OTOGL: variants seen among roughly 807,000 people sequenced by gnomAD.
The protein encoded by OTOGL is otogelin like.
OTOGL carries 285 observed loss-of-function variants against 318.5 expected under a neutral mutation model. That is an observed-to-expected ratio of 0.89 (90% CI 0.81 to 0.99). The LOEUF is 0.99. Among genes scored for constraint, OTOGL ranks in the 50% least tolerant of loss-of-function variants. The pLI is 0.00. For missense variants in OTOGL, 2,899 were observed against 2,845.6 expected, an observed-to-expected ratio of 1.02 and a Z score of -0.43; for synonymous variants, 987 against 936.5, an observed-to-expected ratio of 1.05 and a Z score of -0.99.
At chr12:80,197,662 G>A (rs371795769) in intron 1 of OTOGL, among the ~76,000 whole-genome samples, 43 of 152,228 alleles carry the variant, frequency 2.8e-4, no homozygotes, top group South Asian at 2.1e-4. Context: ...CTCTGAAGCA[G>A]AGGCAGGAAA....
intron 1 of OTOGL, chr12:80,132,050 C>G (rs79571226): frequency 1.3e-5 from 2 of 152,182 alleles, no homozygotes; most frequent in Non-Finnish European, 2.9e-5. Context: ...TCTGCCCCCT[C>G]AACAGACCTA....
chr12:80,201,789 C>T (rs189525294), intron 1 of OTOGL, among the ~76,000 whole-genome samples: 1 of 152,262 alleles, frequency 6.6e-6, no homozygotes, highest in East Asian at 1.9e-4. Context: ...CCAATTCAAA[C>T]ATCAACAAGC....
intron 1 of OTOGL, among the ~76,000 whole-genome samples, chr12:80,203,430 T>A (rs1876595598): frequency 6.6e-6 from 1 of 152,116 alleles, no homozygotes; most frequent in African/African-American, 2.4e-5. Context: ...GTAAAGGCTG[T>A]TTTGTTATGT....
intron 1 of OTOGL, among the ~76,000 whole-genome samples, chr12:80,105,699 C>G (rs1869414619): frequency 6.6e-6 from 1 of 152,180 alleles, no homozygotes; most frequent in South Asian, 2.1e-4. Context: ...CTTCCCAACT[C>G]TTGCCTTTCC....
chr12:80,262,195 T>C, intron 19 of OTOGL, 102 bp downstream of exon 19: 2 of 1,193,834 alleles, frequency 1.7e-6, no homozygotes, highest in Non-Finnish European at 2.2e-6. Context: ...TCTAATTTTC[T>C]CCATTATGGT....
rs1869684811 is a variant in OTOGL at position 80,109,267 on chromosome 12, A to G, written c.-20+9662A>G. Reference sequence around the variant, plus strand: ...TTGCTAAGGTCAGAGCTCAAAATGTATCACAATAAAATATGAGTTTGTATT... The same window carrying G: ...TTGCTAAGGTCAGAGCTCAAAATGTGTCACAATAAAATATGAGTTTGTATT... On this transcript the variant is annotated intron_variant, in intron 1 of 58. Coordinates refer to ENST00000547103, the MANE Select transcript of OTOGL (RefSeq NM_001378609.3). 2.0e-5 allele frequency among the ~76,000 whole-genome samples: 3 copies of G among 152,282 alleles called. No homozygotes were observed. In the South Asian group the frequency reaches 6.2e-4, roughly 32 times the overall value.
chr12:80,133,356 T>G (rs1278929833), intron 1 of OTOGL: 1 of 152,192 alleles, frequency 6.6e-6, no homozygotes, highest in African/African-American at 2.4e-5. Flanking sequence ...TTGAGATATA[T>G]ATTAGAGATG....
chr12:80,174,674 C>A (rs1391087527), intron 1 of OTOGL, among the ~76,000 whole-genome samples: 1 of 152,014 alleles, frequency 6.6e-6, no homozygotes, highest in East Asian at 1.9e-4. Flanking sequence ...ATGTATCTCC[C>A]AACAGTATTA....
At chr12:80,103,149 T>C in intron 1 of OTOGL, 1 of 1,183,176 alleles carries the variant, frequency 8.5e-7, no homozygotes, top group Non-Finnish European at 1.3e-6. Flanking sequence ...CTGACCTTCG[T>C]AGTGTCCTCG....
intron 1 of OTOGL, among the ~76,000 whole-genome samples, chr12:80,172,606 GTT>G (rs59280536): frequency 1.3e-5 from 2 of 149,052 alleles, no homozygotes; most frequent in African/African-American, 4.9e-5. Context: ...TTTTTTCTAT[GTT>G]TTTTTTTTCC....
At chr12:80,357,407 A>C (rs1286214025) in intron 49 of OTOGL, among the ~76,000 whole-genome samples, 3 of 143,834 alleles carry the variant, frequency 2.1e-5, no homozygotes, top group Non-Finnish European at 4.5e-5. Flanking sequence ...AGAATTCTCT[A>C]ATTTTTTTTT....
At chr12:80,230,320 C>T (rs1394073644) in intron 8 of OTOGL, among the ~76,000 whole-genome samples, 1 of 152,106 alleles carries the variant, frequency 6.6e-6, no homozygotes, top group Non-Finnish European at 1.5e-5. Context: ...GCAGCTTCTC[C>T]CCTTGTCTGA....
At chr12:80,283,864 T>C (rs1445715041) in intron 26 of OTOGL, among the ~76,000 whole-genome samples, 3 of 152,068 alleles carry the variant, frequency 2.0e-5, no homozygotes, top group Non-Finnish European at 4.4e-5. Context: ...CTGCCTTTTC[T>C]TTTTTTAAAT....
intron 26 of OTOGL, among the ~76,000 whole-genome samples, chr12:80,283,715 G>A (rs1373352745): frequency 6.6e-6 from 1 of 151,980 alleles, no homozygotes; most frequent in East Asian, 1.9e-4. Flanking sequence ...TCTAACACTT[G>A]TGATAAATGC....
Position 80,145,196 on chromosome 12 carries a change from C to T in OTOGL, c.-20+45591C>T, listed in dbSNP as rs897525099. ...AGGGTTTTTATGGTTTTAGGTCTAA[C>T]GTTTAAGTCTTTAATCCATCTTGAA... On this transcript the variant is annotated intron_variant, in intron 1 of 58. Coordinates refer to ENST00000547103, the MANE Select transcript of OTOGL (RefSeq NM_001378609.3). Among the ~76,000 whole-genome samples the T allele has an allele frequency of 3.3e-5, 5 of 150,802 alleles. 1 individual carries two copies. The highest frequency in any genetic ancestry group is 3.9e-4 in the East Asian group (2 of 5,178).
Position 80,219,905 on chromosome 12 carries a change from C to G in OTOGL, c.327C>G (p.Cys109Trp). 1.3e-6 allele frequency: 2 copies of G among 1,563,862 alleles called. No individual in the cohort carries two copies. Among genetic ancestry groups the G allele is most frequent in the Non-Finnish European group, 1.7e-6 (2 of 1,150,114 alleles). ...TATTTCAGGCTCTTGGGACAAGATG[C>G]CAGATCAGTAAGTTTCAGGGATGCT... ...CQIFQALGTRCQIIPNMGNGR... is the reference protein window; with the variant it reads ...CQIFQALGTRWQIIPNMGNGR... The change falls in exon 6 of 59, where the codon TGC becomes TGG. Residue 109 changes from cysteine to tryptophan, a missense_variant. Coordinates refer to ENST00000547103, the MANE Select transcript of OTOGL (RefSeq NM_001378609.3).
intron 25 of OTOGL, 86 bp downstream of exon 25, chr12:80,278,361 A>G (rs933556111): frequency 1.8e-6 from 2 of 1,106,256 alleles, no homozygotes; most frequent in South Asian, 1.5e-5. Context: ...TGAGACTGAC[A>G]TCAGCAAAAA....
At chr12:80,308,393 C>A (rs1886376882) in intron 29 of OTOGL, among the ~76,000 whole-genome samples, 1 of 151,928 alleles carries the variant, frequency 6.6e-6, no homozygotes, top group African/African-American at 2.4e-5. Context: ...AGGTGCTCCC[C>A]ACATCTCAGA....
intron 44 of OTOGL, among the ~76,000 whole-genome samples, chr12:80,346,624 A>C (rs1889212989): frequency 6.6e-6 from 1 of 152,238 alleles, no homozygotes; most frequent in African/African-American, 2.4e-5. Context: ...CCATTTAAAA[A>C]TTGCCTCTTT....
Sources: allele counts gnomAD v4.1 joint callset (sites outside exome capture counted in the v4.1 genomes callset), GRCh38; gene constraint gnomAD v4.1.1; transcripts MANE v1.5; gene names NCBI Gene and HGNC (gene_info 2026-07-23, HGNC 2026-07-21).